Variants in MED13L observed in about 807,000 individuals in gnomAD.
MED13L encodes the protein mediator of RNA polymerase II transcription subunit 13-like.
A neutral mutation model predicts 220.9 loss-of-function variants in MED13L; 7 were observed. The observed-to-expected ratio is 0.03, with a 90% CI of 0.02 to 0.06. The LOEUF (loss-of-function observed/expected upper bound fraction) is 0.06. Among genes scored for constraint, MED13L ranks in the 10% least tolerant of loss-of-function variants. MED13L has a pLI of 1.00. For missense variants in MED13L, 1,965 were observed against 2,760.5 expected (o/e 0.71, Z 6.46); for synonymous variants, 1,011 against 1,015.2 (o/e 1.00, Z 0.08).
chr12:116,224,813 G>A (rs1286548105), intron 2 of MED13L, among the ~76,000 whole-genome samples: 2 of 152,116 alleles, frequency 1.3e-5, no homozygotes, highest in African/African-American at 2.4e-5. Context: ...AAGTAGCTGG[G>A]ACTGCAGGCA....
In MED13L at chr12:115,975,210, T is replaced by C; in HGVS notation, c.5692A>G (p.Ile1898Val). 6.2e-7 allele frequency: 1 copy of C among 1,614,182 alleles called. No individual in the cohort carries two copies. Among genetic ancestry groups the C allele is most frequent in the Non-Finnish European group, 8.5e-7 (1 of 1,180,020 alleles). Residue 1898 changes from isoleucine to valine, a missense_variant, in exon 25 of 31, where the codon ATC becomes GTC. By Grantham distance (29) the Ile-to-Val change is conservative. Around this residue, in one of 10 missense-constraint regions of MED13L, gnomAD observed 23 missense variants for 67.1 expected, o/e 0.34. Coordinates refer to ENST00000281928, the MANE Select transcript of MED13L (RefSeq NM_015335.5). ...QMTSLPWRVV[I>V]GRLGRLGHGE... ...TGGCCAAGACGCCCAAGTCGCCCGA[T>C]TACAACTCTCCAGGGTAGAGATGTC...
At chr12:115,973,477 C>A (rs1445198813) in intron 25 of MED13L, among the ~76,000 whole-genome samples, 1 of 152,182 alleles carries the variant, frequency 6.6e-6, no homozygotes, top group African/African-American at 2.4e-5. Flanking sequence ...ACACATTCCT[C>A]TCCACTAAGA....
intron 2 of MED13L, among the ~76,000 whole-genome samples, chr12:116,159,740 A>G (rs1878718783): frequency 6.6e-6 from 1 of 151,178 alleles, no homozygotes; most frequent in Admixed American, 6.5e-5. Flanking sequence ...GTTTGTGAAT[A>G]AAGTTATTTA....
At chr12:116,096,034 A>G (rs954298515) in intron 4 of MED13L, among the ~76,000 whole-genome samples, 5 of 152,060 alleles carry the variant, frequency 3.3e-5, no homozygotes, top group Non-Finnish European at 7.4e-5. Flanking sequence ...CTGTTTTTAA[A>G]CTTATTCCAT....
At chr12:116,061,823 C>T (rs1025727853) in intron 4 of MED13L, among the ~76,000 whole-genome samples, 7 of 151,882 alleles carry the variant, frequency 4.6e-5, no homozygotes, top group African/African-American at 1.7e-4. Context: ...CTGGCTAACA[C>T]AGTGAAACCA....
At chr12:116,195,039 C>T (rs904966737) in intron 2 of MED13L, among the ~76,000 whole-genome samples, 3 of 152,100 alleles carry the variant, frequency 2.0e-5, no homozygotes, top group Admixed American at 1.3e-4. Context: ...GGGACTGAGG[C>T]CGAAATTGGG....
At chr12:116,034,179 T>G (rs1329180214) in intron 4 of MED13L, among the ~76,000 whole-genome samples, 2 of 152,188 alleles carry the variant, frequency 1.3e-5, no homozygotes, top group Non-Finnish European at 2.9e-5. Context: ...CTTCGATTTT[T>G]ATAAGTTTAT....
Position 115,997,241 on chromosome 12 carries a change from GAAATAAAAA to G in MED13L, c.2570-20_2570-12del. The G allele has an allele frequency of 6.2e-7, 1 of 1,612,394 alleles. No individual in the cohort carries two copies. The highest frequency in any genetic ancestry group is 2.2e-5 in the East Asian group (1 of 44,810). The stretch of plus-strand genomic sequence containing the variant: ...GCAAGTCTGCAACTGCTAAAAATAA[GAAATAAAAA>G]AAATTTGTTTAATAGGAAGGGCTTC... On this transcript the variant is annotated splice_polypyrimidine_tract_variant and intron_variant, in intron 14 of 30. Coordinates refer to ENST00000281928, the MANE Select transcript of MED13L (RefSeq NM_015335.5).
chr12:116,161,339 G>A (rs1324896172), intron 2 of MED13L, among the ~76,000 whole-genome samples: 2 of 151,986 alleles, frequency 1.3e-5, no homozygotes, highest in Non-Finnish European at 2.9e-5. Context: ...AAAGTCCTCA[G>A]GAGAACAAAG....
chr12:116,235,296 TA>T (rs1869975937), intron 2 of MED13L, among the ~76,000 whole-genome samples: 1 of 152,204 alleles, frequency 6.6e-6, no homozygotes, highest in African/African-American at 2.4e-5. Context: ...AATGAAATTA[TA>T]ATTATTCCAT....
rs371921549 is a variant in MED13L, at chr12:116,215,049, C to T, written c.310+22419G>A. Among the ~76,000 whole-genome samples, 14 of 152,262 alleles carry T rather than the reference C, an allele frequency of 9.2e-5. No individual in the cohort carries two copies. In the South Asian group the frequency reaches 1.5e-3, roughly 16 times the overall value. ...ATTCCAAAGGATATCATTATATATG[C>T]ATAAACTAAACTAGCAGTAGGTTAA... On this transcript the variant is annotated intron_variant, in intron 2 of 30. Coordinates refer to ENST00000281928, the MANE Select transcript of MED13L (RefSeq NM_015335.5).
intron 3 of MED13L, among the ~76,000 whole-genome samples, chr12:116,108,821 A>G (rs1243719471): frequency 6.6e-6 from 1 of 152,178 alleles, no homozygotes; most frequent in African/African-American, 2.4e-5. Context: ...ATGTAAAATA[A>G]AAAATTTATG....
intron 3 of MED13L, among the ~76,000 whole-genome samples, chr12:116,099,563 T>C (rs207473416): frequency 6.6e-6 from 1 of 152,008 alleles, no homozygotes; most frequent in Non-Finnish European, 1.5e-5. Context: ...AAATTTACAG[T>C]GTACAGAAAG....
intron 4 of MED13L, among the ~76,000 whole-genome samples, chr12:116,062,500 T>G (rs1869590302): frequency 6.7e-6 from 1 of 149,244 alleles, no homozygotes; most frequent in Non-Finnish European, 1.5e-5. Flanking sequence ...TTTTTTTTTT[T>G]TTTTTTGAGA....
intron 2 of MED13L, among the ~76,000 whole-genome samples, chr12:116,221,320 G>C (rs1223542624): frequency 1.3e-5 from 2 of 151,004 alleles, no homozygotes; most frequent in African/African-American, 4.9e-5. Flanking sequence ...ATTGCAGTGA[G>C]CTGTGATCAC....
chr12:116,178,618 AC>A (rs1275190795), intron 2 of MED13L, among the ~76,000 whole-genome samples: 2 of 152,230 alleles, frequency 1.3e-5, no homozygotes, highest in East Asian at 3.8e-4. Flanking sequence ...ATCCTGTGAT[AC>A]TTCTGCACTG....
intron 4 of MED13L, among the ~76,000 whole-genome samples, chr12:116,081,354 T>C (rs926680749): frequency 3.9e-5 from 6 of 152,224 alleles, no homozygotes; most frequent in African/African-American, 9.6e-5. Flanking sequence ...AACTGTACTT[T>C]AGGATGCTGA....
chr12:116,166,477 G>C (rs1460082695), intron 2 of MED13L, among the ~76,000 whole-genome samples: 1 of 151,964 alleles, frequency 6.6e-6, no homozygotes, highest in African/African-American at 2.4e-5. Context: ...CCAACTACTC[G>C]GGAGGCTAAG....
chr12:115,998,876 T>G (rs1878572088), intron 14 of MED13L, among the ~76,000 whole-genome samples: 1 of 152,080 alleles, frequency 6.6e-6, no homozygotes, highest in African/African-American at 2.4e-5. Flanking sequence ...TACAAAAAAG[T>G]ACCTGCTGCT....
Sources: allele counts gnomAD v4.1 joint callset (sites outside exome capture counted in the v4.1 genomes callset), GRCh38; gene constraint gnomAD v4.1.1; regional missense constraint gnomAD v4.1.1; transcripts MANE v1.5; gene names NCBI Gene and HGNC (gene_info 2026-07-23, HGNC 2026-07-21).